OSBPL11: variants seen among roughly 807,000 people sequenced by gnomAD.
OSBPL11 encodes the protein oxysterol binding protein like 11.
Under a neutral mutation model 84.4 loss-of-function variants are expected in OSBPL11, and 33 were observed. That is an observed-to-expected ratio of 0.39 (90% confidence interval 0.30 to 0.52). OSBPL11 has a LOEUF of 0.52. OSBPL11 is among the 20% of genes least tolerant of loss of function. The pLI is 0.72. For synonymous variants in OSBPL11, 276 were observed against 310.2 expected (o/e 0.89, Z 1.16); for missense variants, 736 against 901.1 (o/e 0.82, Z 2.35).
intron 8 of OSBPL11, among the ~76,000 whole-genome samples, chr3:125,559,978 C>T (rs900793287): frequency 2.0e-5 from 3 of 151,782 alleles, no homozygotes; most frequent in African/African-American, 7.3e-5. Context: ...AATAAAAAGA[C>T]CGGCCAGGTG....
At chr3:125,589,815 A>T (rs1936570748) in intron 1 of OSBPL11, among the ~76,000 whole-genome samples, 1 of 152,318 alleles carries the variant, frequency 6.6e-6, no homozygotes, top group African/African-American at 2.4e-5. Flanking sequence ...CACAAAAATT[A>T]TTTCTATACT....
At chr3:125,573,340 C>T (rs188271494) in intron 5 of OSBPL11, among the ~76,000 whole-genome samples, 4 of 152,134 alleles carry the variant, frequency 2.6e-5, no homozygotes, top group East Asian at 3.9e-4. Flanking sequence ...AAATTAGAAT[C>T]GTGATTTTAA....
In OSBPL11 at chr3:125,530,457, G is replaced by C. The variant is rs1227787583; in HGVS notation, c.*58C>G. ...CACTCAGTGCAATGACTCCATTCTGGGAGGATTTAGGGTAAACAGAGAAGA... is the reference window on the plus strand; with the variant it reads ...CACTCAGTGCAATGACTCCATTCTGCGAGGATTTAGGGTAAACAGAGAAGA... On this transcript the variant is annotated 3_prime_UTR_variant, in exon 13 of 13. Transcript: ENST00000296220. 3 of 1,480,558 alleles carry C rather than the reference G, an allele frequency of 2.0e-6. No homozygotes were observed. The highest frequency in any genetic ancestry group is 1.7e-4 in the Middle Eastern group (1 of 5,812). The allele number at this position is 1,480,558 out of a possible 1,614,324, so 91.7% of individuals were successfully genotyped here. A position where few individuals can be genotyped will look rare whatever the true frequency, so the allele number is the denominator to read the frequency against.
At chr3:125,544,307 C>G (rs1935778414) in intron 10 of OSBPL11, among the ~76,000 whole-genome samples, 1 of 152,170 alleles carries the variant, frequency 6.6e-6, no homozygotes, top group African/African-American at 2.4e-5. Context: ...CCTCCTGCCT[C>G]AGCTTCCCAA....
chr3:125,535,690 G>C (rs1271403211), intron 11 of OSBPL11, among the ~76,000 whole-genome samples: 1 of 151,160 alleles, frequency 6.6e-6, no homozygotes, highest in East Asian at 2.0e-4. Flanking sequence ...GGCCAGGCTG[G>C]TCTTGAACTC....
chr3:125,532,571 C>T (rs1212046217), intron 11 of OSBPL11, among the ~76,000 whole-genome samples: 1 of 139,996 alleles, frequency 7.1e-6, no homozygotes, highest in Non-Finnish European at 1.5e-5. Context: ...CTTAACAAAT[C>T]TCAAGCAAAA....
chr3:125,566,503 A>G (rs1936158750), intron 6 of OSBPL11, among the ~76,000 whole-genome samples: 1 of 152,128 alleles, frequency 6.6e-6, no homozygotes, highest in Non-Finnish European at 1.5e-5. Context: ...TCCTATATCC[A>G]TCTGAGTAAG....
intron 1 of OSBPL11, among the ~76,000 whole-genome samples, chr3:125,586,575 C>T (rs1246315583): frequency 6.6e-6 from 1 of 150,754 alleles, no homozygotes; most frequent in Admixed American, 6.6e-5. Context: ...AGCAGTGGTG[C>T]AATCTTGGCT....
Position 125,594,708 on chromosome 3 carries a change from G to T in OSBPL11, c.93C>A (p.Asn31Lys), listed in dbSNP as rs146199292. Residue 31 changes from asparagine to lysine, a missense_variant, in exon 1 of 13, where the codon AAC (asparagine) becomes AAA (lysine). Transcript: ENST00000296220. ...TACTGATTCCACCTCCACAGCTGCT[G>T]TTCTTGTTCGGGGTCACCGCTGTGG... is the stretch of plus-strand genomic sequence containing the variant. ...GQATAVTPNK[N>K]SSCGGGISSS... 8.7e-6 allele frequency: 14 copies of T among 1,614,176 alleles called. No individual in the cohort carries two copies. In the African/African-American group the frequency reaches 1.7e-4, roughly 20 times the overall value.
intron 4 of OSBPL11, among the ~76,000 whole-genome samples, chr3:125,578,232 C>T (rs896928165): frequency 1.2e-4 from 18 of 152,086 alleles, no homozygotes; most frequent in East Asian, 3.8e-4. Flanking sequence ...TGCAACAACA[C>T]GGATGAACCT....
chr3:125,531,548 C>T (rs1265448600), intron 12 of OSBPL11, among the ~76,000 whole-genome samples: 5 of 152,098 alleles, frequency 3.3e-5, no homozygotes, highest in African/African-American at 1.2e-4. Context: ...GCCTCGGCCT[C>T]GCAAAGTACT....
rs528113367 is a variant in OSBPL11 at position 125,552,695 on chromosome 3, A to G, written c.1156-16T>C. 1 of 1,600,354 alleles carries G rather than the reference A, an allele frequency of 6.2e-7. No individual in the cohort carries two copies. Among genetic ancestry groups the G allele is most frequent in the Admixed American group, 1.7e-5 (1 of 58,050 alleles). On this transcript the variant is annotated splice_polypyrimidine_tract_variant and intron_variant, in intron 8 of 12. Coordinates refer to ENST00000296220, the MANE Select transcript of OSBPL11 (RefSeq NM_022776.5). ...GAAGCACCACCTAAAACAACAATCAATGAAAGAGGGGAAATTTAATCCATG... is the reference window on the plus strand; with the variant it reads ...GAAGCACCACCTAAAACAACAATCAGTGAAAGAGGGGAAATTTAATCCATG...
intron 7 of OSBPL11, among the ~76,000 whole-genome samples, chr3:125,563,319 C>T (rs925604640): frequency 6.6e-6 from 1 of 151,994 alleles, no homozygotes; most frequent in African/African-American, 2.4e-5. Context: ...AAAGACTCAA[C>T]TTTTAAGATT....
At chr3:125,549,805 T>C (rs1307831911) in intron 9 of OSBPL11, among the ~76,000 whole-genome samples, 1 of 152,218 alleles carries the variant, frequency 6.6e-6, no homozygotes, top group Non-Finnish European at 1.5e-5. Context: ...CTTCTTGAAG[T>C]ACTTCCTTTC....
At chr3:125,567,247 A>G (rs901118525) in intron 6 of OSBPL11, 147 bp downstream of exon 6, 1 of 672,788 alleles carries the variant, frequency 1.5e-6, no homozygotes, top group Non-Finnish European at 2.5e-6. Context: ...TTTGTATAAC[A>G]TCAGCATGAT....
chr3:125,530,804 A>G (rs1935544591), intron 12 of OSBPL11, among the ~76,000 whole-genome samples: 1 of 152,190 alleles, frequency 6.6e-6, no homozygotes, highest in Non-Finnish European at 1.5e-5. Context: ...TTTGTGACCC[A>G]TGAACATTTA....
At chr3:125,550,408 A>AC (rs1559838411) in intron 9 of OSBPL11, among the ~76,000 whole-genome samples, 1 of 143,112 alleles carries the variant, frequency 7.0e-6, no homozygotes, top group Non-Finnish European at 1.5e-5. Flanking sequence ...CACACACACA[A>AC]CAAACAAAAA....
At chr3:125,560,777 A>G (rs1936065018) in intron 7 of OSBPL11, among the ~76,000 whole-genome samples, 1 of 152,154 alleles carries the variant, frequency 6.6e-6, no homozygotes, top group Non-Finnish European at 1.5e-5. Flanking sequence ...TTTGGGGGGA[A>G]AATAGAATTT....
chr3:125,561,223 C>T (rs1342865743), intron 7 of OSBPL11, among the ~76,000 whole-genome samples: 1 of 152,178 alleles, frequency 6.6e-6, no homozygotes, highest in Non-Finnish European at 1.5e-5. Context: ...GTCTCAAATT[C>T]CTGACCTCAA....
Sources: gnomAD v4.1 joint callset for allele counts (sites outside exome capture counted in the v4.1 genomes callset) on GRCh38, gnomAD v4.1.1 for gene constraint, MANE v1.5 for transcripts, NCBI Gene and HGNC (gene_info 2026-07-23, HGNC 2026-07-21) for gene names.